PXK: variants seen among roughly 807,000 people sequenced by gnomAD.
PXK encodes PX domain containing serine/threonine kinase like, also known as PX domain-containing protein kinase-like protein.
A neutral mutation model predicts 84.7 loss-of-function variants in PXK; 35 were observed. The observed-to-expected ratio is 0.41, with a 90% CI of 0.32 to 0.55. The LOEUF is 0.55. Ranked by LOEUF, PXK falls within the 20% of genes least tolerant of loss-of-function variation. The pLI, the probability that PXK is intolerant of heterozygous loss-of-function variation, is 0.21. For missense variants in PXK, 634 were observed against 699.7 expected, an observed-to-expected ratio of 0.91 and a Z score of 1.06; for synonymous variants, 253 against 260.8, an observed-to-expected ratio of 0.97 and a Z score of 0.29.
intron 1 of PXK, among the ~76,000 whole-genome samples, chr3:58,352,530 C>T (rs554816862): frequency 3.6e-4 from 54 of 152,106 alleles, no homozygotes; most frequent in Non-Finnish European, 6.5e-4. Context: ...AGTTATATTT[C>T]GTTTTTAATT....
At position 58,369,412 on chromosome 3, in the gene PXK, T is replaced by C. The variant is rs2108505362; in HGVS notation, c.154-19T>C. On this transcript the variant is annotated intron_variant, in intron 2 of 17. Coordinates refer to ENST00000356151, the MANE Select transcript of PXK (RefSeq NM_017771.5). Reference sequence around the variant, plus strand: ...GATAGTCTTTGCTGAATCAAAACACTACTTCTTGTCTCTTACAGATTGTTA... The same window carrying C: ...GATAGTCTTTGCTGAATCAAAACACCACTTCTTGTCTCTTACAGATTGTTA... 6.3e-7 allele frequency: 1 copy of C among 1,593,362 alleles called. No individual in the cohort carries two copies. The highest frequency in any genetic ancestry group is 8.6e-7 in the Non-Finnish European group (1 of 1,161,794).
At chr3:58,423,880 T>C (rs927037860) in intron 17 of PXK, among the ~76,000 whole-genome samples, 6 of 152,236 alleles carry the variant, frequency 3.9e-5, no homozygotes, top group African/African-American at 1.4e-4. Context: ...CAAATGTCCA[T>C]GTGCCTGGAA....
At chr3:58,335,114 C>T (rs547153259) in intron 1 of PXK, among the ~76,000 whole-genome samples, 242 of 151,538 alleles carry the variant, frequency 1.6e-3, no homozygotes, top group African/African-American at 4.1e-3. Context: ...GGGCTCAGGC[C>T]GTTCTCCTGC....
intron 1 of PXK, among the ~76,000 whole-genome samples, chr3:58,359,592 G>T (rs1342175720): frequency 6.6e-6 from 1 of 151,800 alleles, no homozygotes. Flanking sequence ...TGCGCAAAGT[G>T]ATTTTTGTGA....
In PXK at chr3:58,390,429, G is replaced by A. The variant is rs1377264121; in HGVS notation, c.389-153G>A. On this transcript the variant is annotated intron_variant, in intron 4 of 17. Transcript: ENST00000356151. This position sits in a 1 kb window ranked among gnomAD's most constrained non-coding sequence, Gnocchi z 4.2. Reference sequence around the variant, plus strand: ...ATCCCACATTGCATTTAGTTTGTGTGTATTTTCTTTCTTTATTATTATTTT... The same window carrying A: ...ATCCCACATTGCATTTAGTTTGTGTATATTTTCTTTCTTTATTATTATTTT... Among the ~76,000 whole-genome samples the A allele has an allele frequency of 6.6e-6, 1 of 151,782 alleles. No individual in the cohort carries two copies. Among genetic ancestry groups the A allele is most frequent in the African/African-American group, 2.4e-5 (1 of 41,314 alleles).
At chr3:58,393,736 T>G (rs1370462077) in intron 7 of PXK, among the ~76,000 whole-genome samples, 4 of 152,246 alleles carry the variant, frequency 2.6e-5, no homozygotes, top group Non-Finnish European at 4.4e-5. Flanking sequence ...ATAACCAATG[T>G]GTAAGGAGAT....
intron 4 of PXK, among the ~76,000 whole-genome samples, chr3:58,387,766 GAC>G (rs1446761329): frequency 3.9e-5 from 6 of 152,170 alleles, no homozygotes; most frequent in African/African-American, 1.2e-4. Flanking sequence ...ATAAGAGAGG[GAC>G]ACACAGAGCA....
chr3:58,374,340 T>G (rs2098419335), intron 3 of PXK, among the ~76,000 whole-genome samples: 1 of 151,924 alleles, frequency 6.6e-6, no homozygotes, highest in South Asian at 2.1e-4. Context: ...CTGGCTAATT[T>G]TTTTGTATCT....
chr3:58,388,455 C>G lies in PXK; in HGVS notation c.389-2127C>G, dbSNP rs141443015. The stretch of plus-strand genomic sequence containing the variant: ...TCAAAGTTGATATGAATGATTTTCA[C>G]TTAATTTCCTTTTAAGTTTCTTTAT... On this transcript the variant is annotated intron_variant, in intron 4 of 17. Coordinates refer to ENST00000356151, the MANE Select transcript of PXK (RefSeq NM_017771.5). 2.9e-3 allele frequency among the ~76,000 whole-genome samples: 436 copies of G among 152,290 alleles called. 1 individual carries two copies. Among genetic ancestry groups the G allele is most frequent in the African/African-American group, 0.01 (423 of 41,562 alleles).
chr3:58,408,440 A>G (rs1006597588), intron 13 of PXK, among the ~76,000 whole-genome samples: 2 of 152,136 alleles, frequency 1.3e-5, no homozygotes, highest in Admixed American at 1.3e-4. Context: ...AAAAAATGCT[A>G]GAGAAGTGAG....
intron 3 of PXK, among the ~76,000 whole-genome samples, chr3:58,373,917 C>T (rs940081189): frequency 1.3e-5 from 2 of 151,680 alleles, no homozygotes; most frequent in South Asian, 2.1e-4. Context: ...TGGTGGCCGG[C>T]GCCTGTAGTC....
intron 2 of PXK, among the ~76,000 whole-genome samples, chr3:58,367,470 G>A (rs2098291488): frequency 6.6e-6 from 1 of 151,946 alleles, no homozygotes; most frequent in African/African-American, 2.4e-5. Context: ...TGTTCTCGAT[G>A]TCCTGACCTC....
chr3:58,350,612 G>T (rs1334999104), intron 1 of PXK, among the ~76,000 whole-genome samples: 1 of 152,154 alleles, frequency 6.6e-6, no homozygotes, highest in African/African-American at 2.4e-5. Flanking sequence ...CATACTAGTG[G>T]TGCGCCCTTG....
chr3:58,395,019 A>G lies in PXK; in HGVS notation c.637A>G (p.Thr213Ala). ...SCLHPYIYRVTFATANESSAL... is the reference protein window; with the variant it reads ...SCLHPYIYRVAFATANESSAL... ...ACAGCACCCTTACATCTATCGGGTT[A>G]CCTTTGCCACAGCTAATGAATCCTC... The change falls in exon 8 of 18, where the codon ACC becomes GCC. Residue 213 changes from threonine to alanine, a missense_variant. Physicochemically the swap from Thr to Ala is moderately conservative, Grantham distance 58. Transcript: ENST00000356151. 6.2e-7 allele frequency: 1 copy of G among 1,613,400 alleles called. No homozygotes were observed. The highest frequency in any genetic ancestry group is 8.5e-7 in the Non-Finnish European group (1 of 1,179,348).
intron 16 of PXK, 105 bp downstream of exon 16, chr3:58,410,264 T>TG: frequency 6.4e-6 from 5 of 785,922 alleles, no homozygotes; most frequent in Middle Eastern, 4.7e-4. Context: ...AACTGGGCAA[T>TG]GTAGTAATGA....
intron 1 of PXK, among the ~76,000 whole-genome samples, chr3:58,336,724 A>C (rs2097620933): frequency 6.6e-6 from 1 of 152,184 alleles, no homozygotes; most frequent in Non-Finnish European, 1.5e-5. Context: ...GAGGAAACAA[A>C]GTTTTGGAAA....
chr3:58,405,536 A>G (rs2059256957), intron 13 of PXK, among the ~76,000 whole-genome samples: 1 of 152,094 alleles, frequency 6.6e-6, no homozygotes, highest in South Asian at 2.1e-4. Context: ...GAAATTAGCC[A>G]GGCTTAGTGG....
chr3:58,337,041 C>T (rs1275779497), intron 1 of PXK, among the ~76,000 whole-genome samples: 1 of 151,994 alleles, frequency 6.6e-6, no homozygotes, highest in Admixed American at 6.6e-5. Flanking sequence ...AACACCTGAC[C>T]TCAGGTGATC....
intron 1 of PXK, among the ~76,000 whole-genome samples, chr3:58,347,411 G>A (rs1314452180): frequency 2.0e-5 from 3 of 152,118 alleles, no homozygotes; most frequent in Non-Finnish European, 4.4e-5. Flanking sequence ...TGGTCCCTGG[G>A]AACTACTGAT....
Sources: allele counts gnomAD v4.1 joint callset (sites outside exome capture counted in the v4.1 genomes callset), GRCh38; gene constraint gnomAD v4.1.1; non-coding constraint Gnocchi (gnomAD v3.1); transcripts MANE v1.5; gene names NCBI Gene and HGNC (gene_info 2026-07-23, HGNC 2026-07-21).